TMPRSS4: variants seen among roughly 807,000 people sequenced by gnomAD.
TMPRSS4 encodes the protein transmembrane serine protease 4.
A neutral mutation model predicts 56.4 loss-of-function variants in TMPRSS4; 45 were observed. The ratio of observed to expected loss-of-function variants is 0.80; its 90% CI spans 0.63 to 1.02. The LOEUF (loss-of-function observed/expected upper bound fraction) is 1.02. Ranked by LOEUF, TMPRSS4 falls within the 50% of genes least tolerant of loss-of-function variation. The pLI is 0.00. For missense variants in TMPRSS4, 546 were observed against 556.7 expected (o/e 0.98, Z 0.19); for synonymous variants, 205 against 211.0 (o/e 0.97, Z 0.25).
At position 118,121,873 on chromosome 11, in the gene TMPRSS4, A is replaced by C. The variant is rs1947802898; in HGVS notation, c.*3960A>C. The C allele has an allele frequency of 6.6e-6, 1 of 152,198 alleles. No individual in the cohort carries two copies. Among genetic ancestry groups the C allele is most frequent in the Admixed American group, 6.5e-5 (1 of 15,280 alleles). The allele number at this position is 152,198 out of a possible 1,614,324, so 9.4% of individuals were successfully genotyped here. On this transcript the variant is annotated 3_prime_UTR_variant, in exon 13 of 13. Transcript: ENST00000437212. The stretch of plus-strand genomic sequence containing the variant: ...AGTAACCACAGCATGCAGCATGTAA[A>C]TTAAAGGGGATAGCTGGAGTTAAAA...
downstream of TMPRSS4, among the ~76,000 whole-genome samples, chr11:118,124,962 C>T (rs1454639240): frequency 2.0e-5 from 3 of 152,242 alleles, no homozygotes; most frequent in African/African-American, 7.2e-5. Context: ...ATGGGCCCAG[C>T]TCTGGCCCCT....
intron 7 of TMPRSS4, among the ~76,000 whole-genome samples, chr11:118,110,328 G>C (rs1482067499): frequency 2.7e-5 from 4 of 146,598 alleles, no homozygotes; most frequent in Non-Finnish European, 4.5e-5. Context: ...GGGGGATAGA[G>C]AGCATTAGAT....
chr11:118,087,705 G>C (rs892498152), intron 1 of TMPRSS4: 1 of 152,336 alleles, frequency 6.6e-6, no homozygotes. Context: ...AAAGGAAGTT[G>C]ACCTTAAGAT....
At chr11:118,089,328 G>C (rs1394878238) in intron 1 of TMPRSS4, among the ~76,000 whole-genome samples, 1 of 152,202 alleles carries the variant, frequency 6.6e-6, no homozygotes, top group Non-Finnish European at 1.5e-5. Context: ...CAGCACAACA[G>C]TAAGGGCAGA....
chr11:118,089,777 A>G (rs1434683066), intron 1 of TMPRSS4, among the ~76,000 whole-genome samples: 1 of 152,216 alleles, frequency 6.6e-6, no homozygotes, highest in Non-Finnish European at 1.5e-5. Flanking sequence ...TTGCTTCTCT[A>G]TAGAAAAGAT....
intron 2 of TMPRSS4, among the ~76,000 whole-genome samples, chr11:118,096,855 GAAA>G (rs1445769093): frequency 8.8e-5 from 2 of 22,660 alleles, no homozygotes; most frequent in African/African-American, 4.1e-4. Context: ...AGGAAAGAAA[GAAA>G]GAAAGAAAGA....
rs772143427 is a variant in TMPRSS4 at position 118,104,815 on chromosome 11, C to T, written c.435C>T (p.Tyr145=). The T allele has an allele frequency of 3.8e-6, 6 of 1,594,086 alleles. No individual in the cohort carries two copies. Among genetic ancestry groups the T allele is most frequent in the South Asian group, 2.3e-5 (2 of 88,882 alleles). ...AGACAGCCTGTAGGCAGATGGGCTA[C>T]AGCAGGTAACCAACCTGGGCCTCTC... The part of the protein sequence containing the change: ...LAETACRQMG[Y]SSKPTFRAVE... The change falls in exon 5 of 13, where the codon TAC becomes TAT. Residue 145 remains tyrosine, a synonymous_variant. Coordinates refer to ENST00000437212, the MANE Select transcript of TMPRSS4 (RefSeq NM_019894.4).
chr11:118,117,808 T>A (rs1188084042), intron 12 of TMPRSS4, 94 bp from the exon 13 acceptor site: 8 of 1,611,782 alleles, frequency 5.0e-6, no homozygotes, highest in African/African-American at 1.3e-5. Context: ...AGAAGCAAAG[T>A]GTTTCAGAAA....
chr11:118,103,618 G>A (rs188592566), intron 4 of TMPRSS4, among the ~76,000 whole-genome samples: 8 of 152,286 alleles, frequency 5.3e-5, no homozygotes, highest in Admixed American at 2.6e-4. Context: ...CTGACCTCAG[G>A]TGATCTGCCC....
intron 1 of TMPRSS4, among the ~76,000 whole-genome samples, chr11:118,089,926 A>G (rs1183254534): frequency 6.6e-6 from 1 of 151,700 alleles, no homozygotes; most frequent in Admixed American, 6.6e-5. Context: ...ACTCACTGCA[A>G]CCTCCCCTCC....
At chr11:118,077,649 CA>C (rs1477220351) in intron 1 of TMPRSS4, among the ~76,000 whole-genome samples, 1 of 152,172 alleles carries the variant, frequency 6.6e-6, no homozygotes, top group Non-Finnish European at 1.5e-5. Flanking sequence ...TTTTCCAAGG[CA>C]GGGGGCTGTT....
chr11:118,099,288 G>A, intron 3 of TMPRSS4, 190 bp downstream of exon 3: 1 of 455,574 alleles, frequency 2.2e-6, no homozygotes, highest in South Asian at 3.0e-5. Flanking sequence ...TATCACCTCA[G>A]TAAGTGGCAG....
At chr11:118,081,513 T>C (rs1209299221) in intron 1 of TMPRSS4, among the ~76,000 whole-genome samples, 2 of 152,184 alleles carry the variant, frequency 1.3e-5, no homozygotes, top group African/African-American at 4.8e-5. Flanking sequence ...CCTCGCATAA[T>C]CCACGTGCAA....
intron 1 of TMPRSS4, among the ~76,000 whole-genome samples, chr11:118,078,994 G>A (rs1944917185): frequency 6.6e-6 from 1 of 152,130 alleles, no homozygotes; most frequent in Admixed American, 6.5e-5. Flanking sequence ...AATGACAGCT[G>A]GGTAGTACAC....
At chr11:118,100,080 G>A (rs570433815) in intron 3 of TMPRSS4, among the ~76,000 whole-genome samples, 2 of 152,184 alleles carry the variant, frequency 1.3e-5, no homozygotes, top group Admixed American at 1.3e-4. Context: ...CCCGAGACAG[G>A]GATTCTGGCT....
chr11:118,078,902 A>G (rs1302986075), intron 1 of TMPRSS4, among the ~76,000 whole-genome samples: 1 of 152,182 alleles, frequency 6.6e-6, no homozygotes, highest in Non-Finnish European at 1.5e-5. Context: ...TTACACAGCT[A>G]ATACATGTGA....
Position 118,104,704 on chromosome 11 carries a change from GGACC to G in TMPRSS4, c.327_330del (p.Arg110ProfsTer90). 1 of 1,613,370 alleles carries G rather than the reference GGACC, an allele frequency of 6.2e-7. No homozygotes were observed. The highest frequency in any genetic ancestry group is 8.5e-7 in the Non-Finnish European group (1 of 1,179,782). ...CTTTCCTCCCAGTCCGCCTCTCCAA[GGACC>G]GATCCACACTGCAGGTGCTGGACTC... On this transcript the variant is annotated frameshift_variant, in exon 5 of 13. Coordinates refer to ENST00000437212, the MANE Select transcript of TMPRSS4 (RefSeq NM_019894.4). LOFTEE classifies it high-confidence loss of function.
At chr11:118,115,520 T>C (rs1303304732) in intron 11 of TMPRSS4, 2 of 500,336 alleles carry the variant, frequency 4.0e-6, no homozygotes, top group Non-Finnish European at 7.2e-6. Context: ...CTCTTTCACA[T>C]TCGAAGATGA....
chr11:118,079,423 TA>T (rs1426366555), intron 1 of TMPRSS4, among the ~76,000 whole-genome samples: 1 of 152,036 alleles, frequency 6.6e-6, no homozygotes, highest in Non-Finnish European at 1.5e-5. Context: ...TGGGTATTCC[TA>T]GGGAGAGCTG....
Sources: allele counts gnomAD v4.1 joint callset (sites outside exome capture counted in the v4.1 genomes callset), GRCh38; gene constraint gnomAD v4.1.1; transcripts MANE v1.5; gene names NCBI Gene and HGNC (gene_info 2026-07-23, HGNC 2026-07-21).